The following ZNF365 variants were observed in gnomAD, a reference collection of about 807,000 sequenced individuals.
ZNF365 encodes the protein zinc finger protein 365.
ZNF365 carries 22 observed loss-of-function variants against 35.0 expected under a neutral mutation model. The ratio of observed to expected loss-of-function variants is 0.63; its 90% CI spans 0.45 to 0.90. The LOEUF is 0.90. Ranked by LOEUF, ZNF365 falls within the 40% of genes least tolerant of loss-of-function variation. The probability of loss-of-function intolerance (pLI) is 0.00; values close to 1 mark genes in which losing one functional copy is unlikely to be tolerated. For synonymous variants in ZNF365, 188 were observed against 196.2 expected (o/e 0.96, Z 0.35); for missense variants, 448 against 500.3 (o/e 0.90, Z 1.00).
At chr10:62,458,020 T>C (rs1044929248) in intron 3 of ZNF365, among the ~76,000 whole-genome samples, 8 of 152,222 alleles carry the variant, frequency 5.3e-5, no homozygotes, top group Admixed American at 5.2e-4. Flanking sequence ...AGATCAGATC[T>C]TGGGGAGGGG....
downstream of ZNF365, among the ~76,000 whole-genome samples, chr10:62,404,008 C>CT (rs1048156770): frequency 6.6e-6 from 1 of 151,834 alleles, no homozygotes; most frequent in Non-Finnish European, 1.5e-5. Context: ...TTTTGTGTTC[C>CT]TTTTTTTTGT....
rs910542662 is a variant in ZNF365, at chr10:62,400,864, A to G, written c.*1075A>G. On this transcript the variant is annotated 3_prime_UTR_variant, in exon 5 of 5. Transcript: ENST00000395254. ...TTTCAACCAAGTATCTGGAGTGTTC[A>G]CTCTATGTTGCATTCTAAAGTAATT... The G allele has an allele frequency of 1.0e-6, 1 of 985,366 alleles. No homozygotes were observed. The highest frequency in any genetic ancestry group is 1.2e-6 in the Non-Finnish European group (1 of 829,906). 61.0% of individuals were successfully genotyped at this position (985,366 alleles called of 1,614,324 possible). A position where few individuals can be genotyped will look rare whatever the true frequency, so the allele number is the denominator to read the frequency against.
intron 3 of ZNF365, among the ~76,000 whole-genome samples, chr10:62,425,271 A>T (rs1228469284): frequency 6.6e-6 from 1 of 152,184 alleles, no homozygotes; most frequent in Non-Finnish European, 1.5e-5. Flanking sequence ...AGGTTGATAA[A>T]TTTTATTACC....
intron 2 of ZNF365, among the ~76,000 whole-genome samples, chr10:62,380,570 G>T (rs879891301): frequency 3.9e-5 from 6 of 152,172 alleles, no homozygotes; most frequent in African/African-American, 7.2e-5. Context: ...TCCCTGCATT[G>T]TTCAGGGGTC....
chr10:62,445,389 C>G (rs889823196), intron 3 of ZNF365, among the ~76,000 whole-genome samples: 1 of 151,650 alleles, frequency 6.6e-6, no homozygotes, highest in Non-Finnish European at 1.5e-5. Flanking sequence ...TACAGTCCCA[C>G]CAACAGTGTA....
At chr10:62,431,960 G>A (rs1840341262) in intron 3 of ZNF365, among the ~76,000 whole-genome samples, 1 of 152,098 alleles carries the variant, frequency 6.6e-6, no homozygotes, top group Non-Finnish European at 1.5e-5. Flanking sequence ...AGAAGAATGA[G>A]AGACCTGAGG....
intron 3 of ZNF365, among the ~76,000 whole-genome samples, chr10:62,397,676 A>C (rs558951391): frequency 6.6e-6 from 1 of 152,344 alleles, no homozygotes; most frequent in East Asian, 1.9e-4. Context: ...AGGAGTGGGA[A>C]ATCATCTCAA....
chr10:62,404,918 G>A (rs934220522), downstream of ZNF365, among the ~76,000 whole-genome samples: 1 of 152,090 alleles, frequency 6.6e-6, no homozygotes, highest in Non-Finnish European at 1.5e-5. Context: ...AAGATAACAC[G>A]CACCCATATT....
chr10:62,378,175 G>A (rs1839368479), intron 2 of ZNF365, among the ~76,000 whole-genome samples: 1 of 152,116 alleles, frequency 6.6e-6, no homozygotes, highest in Non-Finnish European at 1.5e-5. Context: ...GTGTTTCCTG[G>A]TGGGAAGTTA....
downstream of ZNF365, among the ~76,000 whole-genome samples, chr10:62,406,362 C>G (rs1201947402): frequency 1.3e-5 from 2 of 152,144 alleles, no homozygotes; most frequent in Admixed American, 1.3e-4. Context: ...TGTACCTATT[C>G]CTTGTAGGAC....
At chr10:62,476,363 TC>T (rs1321050536) in intron 4 of ZNF365, among the ~76,000 whole-genome samples, 8 of 152,164 alleles carry the variant, frequency 5.3e-5, no homozygotes, top group African/African-American at 1.9e-4. Context: ...AACTGATCTT[TC>T]CTCCCAGGTA....
intron 3 of ZNF365, among the ~76,000 whole-genome samples, chr10:62,409,725 G>C (rs1839957676): frequency 6.6e-6 from 1 of 151,980 alleles, no homozygotes; most frequent in East Asian, 1.9e-4. Flanking sequence ...CTGATTTAAG[G>C]CCTCACCAGA....
At chr10:62,384,912 A>G (rs918979102) in intron 2 of ZNF365, among the ~76,000 whole-genome samples, 21 of 152,240 alleles carry the variant, frequency 1.4e-4, no homozygotes, top group African/African-American at 4.8e-4. Context: ...TTCCATTCAG[A>G]AAAACCCCAA....
intron 3 of ZNF365, among the ~76,000 whole-genome samples, chr10:62,449,548 TGA>T (rs979059107): frequency 3.9e-5 from 6 of 152,252 alleles, no homozygotes; most frequent in Non-Finnish European, 5.9e-5. Flanking sequence ...GGGTTTATTA[TGA>T]GTGTATTTTT....
At chr10:62,455,671 A>G (rs968993666) in intron 3 of ZNF365, among the ~76,000 whole-genome samples, 1 of 152,124 alleles carries the variant, frequency 6.6e-6, no homozygotes, top group African/African-American at 2.4e-5. Context: ...AACTTAGAGA[A>G]GGATAGAAAA....
intron 3 of ZNF365, among the ~76,000 whole-genome samples, chr10:62,423,055 T>C (rs1840198981): frequency 6.6e-6 from 1 of 152,234 alleles, no homozygotes; most frequent in South Asian, 2.1e-4. Context: ...GGAGACTTAC[T>C]ATAATGTTAA....
intron 4 of ZNF365, among the ~76,000 whole-genome samples, chr10:62,460,204 C>T (rs896336894): frequency 2.0e-5 from 3 of 152,078 alleles, no homozygotes; most frequent in African/African-American, 7.2e-5. Flanking sequence ...AGACCTGATC[C>T]GAACTGACAA....
At chr10:62,393,325 C>G (rs971844494) in intron 3 of ZNF365, among the ~76,000 whole-genome samples, 1 of 152,178 alleles carries the variant, frequency 6.6e-6, no homozygotes, top group Admixed American at 6.5e-5. Flanking sequence ...CGTTTATTGT[C>G]ATTATCAGGT....
At chr10:62,427,350 C>T (rs1230107571) in intron 3 of ZNF365, among the ~76,000 whole-genome samples, 1 of 152,104 alleles carries the variant, frequency 6.6e-6, no homozygotes, top group Non-Finnish European at 1.5e-5. Context: ...CCTACGGTAT[C>T]CAGTATAGTA....
Sources: allele counts gnomAD v4.1 joint callset (sites outside exome capture counted in the v4.1 genomes callset), GRCh38; gene constraint gnomAD v4.1.1; transcripts MANE v1.5; gene names NCBI Gene and HGNC (gene_info 2026-07-23, HGNC 2026-07-21).